The following ADAT1 variants were observed in gnomAD, a reference collection of about 807,000 sequenced individuals.
ADAT1 encodes the protein adenosine deaminase tRNA specific 1.
In ADAT1, 58 loss-of-function variants were observed where a neutral mutation model predicts 58.6. That is an observed-to-expected ratio of 0.99 (90% CI 0.80 to 1.23). The LOEUF (loss-of-function observed/expected upper bound fraction) is 1.23, where lower values mean the gene tolerates loss of function less well. ADAT1 is among the 50% of genes most tolerant of loss of function. ADAT1 has a pLI of 0.00. For missense variants in ADAT1, 741 were observed against 608.6 expected (o/e 1.22, Z -2.29); for synonymous variants, 254 against 220.8 (o/e 1.15, Z -1.33).
chr16:75,614,886 C>G (rs976056085), intron 5 of ADAT1, among the ~76,000 whole-genome samples: 13 of 152,062 alleles, frequency 8.5e-5, no homozygotes, highest in African/African-American at 3.1e-4. Flanking sequence ...TTAAGATGAA[C>G]AGAGGGTTGC....
At position 75,612,541 on chromosome 16, in the gene ADAT1, CA is replaced by C; in HGVS notation, c.744del (p.Gly249ValfsTer5). The part of the protein sequence containing the change: ...EGLATVTRIA[P>X]GSAKVIDVYR... The stretch of plus-strand genomic sequence containing the variant: ...TAAACGTCTATCACTTTGGCACTAC[CA>C]GGGGCTATTCTGGTGACAGTAGCCA... On this transcript the variant is annotated frameshift_variant, in exon 6 of 10. Transcript: ENST00000564657. LOFTEE classifies it high-confidence loss of function. 2 of 1,614,168 alleles carry C rather than the reference CA, an allele frequency of 1.2e-6. No homozygotes were observed. Among genetic ancestry groups the C allele is most frequent in the Non-Finnish European group, 8.5e-7 (1 of 1,180,040 alleles).
rs746798988 is a variant in ADAT1 at position 75,620,649 on chromosome 16, G to C, written c.151C>G (p.Pro51Ala). The change falls in exon 2 of 10, where the codon CCT (proline) becomes GCT (alanine). Residue 51 changes from proline to alanine, a missense_variant. Physicochemically the swap from Pro to Ala is conservative, Grantham distance 27. Coordinates refer to ENST00000564657, the MANE Select transcript of ADAT1 (RefSeq NM_001324445.2). Reference protein sequence around the residue: ...QSPADKACDTPDKPVQVTKEV... With the variant: ...QSPADKACDTADKPVQVTKEV... ...GTCTCACCTTGCACCGGCTTATCAG[G>C]GGTGTCGCAGGCCTTGTCAGCTGGA... 1 of 1,613,236 alleles carries C rather than the reference G, an allele frequency of 6.2e-7. No homozygotes were observed. The highest frequency in any genetic ancestry group is 8.5e-7 in the Non-Finnish European group (1 of 1,180,040).
chr16:75,606,524 T>G (rs1360534547), intron 8 of ADAT1, among the ~76,000 whole-genome samples: 1 of 152,196 alleles, frequency 6.6e-6, no homozygotes, highest in African/African-American at 2.4e-5. Flanking sequence ...AATACTCTGG[T>G]AGCCTTGTGG....
intron 4 of ADAT1, among the ~76,000 whole-genome samples, chr16:75,618,098 CAAAA>C (rs1163510620): frequency 4.9e-4 from 16 of 32,522 alleles, no homozygotes; most frequent in Middle Eastern, 0.023. Context: ...ACCCTGTGTC[CAAAA>C]AAAAAAAAAA....
chr16:75,599,619 C>G lies in ADAT1; in HGVS notation c.*597G>C. 1.0e-6 allele frequency: 1 copy of G among 985,870 alleles called. No homozygotes were observed. The highest frequency in any genetic ancestry group is 1.2e-6 in the Non-Finnish European group (1 of 830,038). 61.1% of individuals were successfully genotyped at this position (985,870 alleles called of 1,614,324 possible). On this transcript the variant is annotated 3_prime_UTR_variant, in exon 10 of 10. Transcript: ENST00000564657. ...CCATGATTATGTGACCCTTACAGCT[C>G]CAGATCAAAACAGAAAGCCTTTCCT...
At position 75,596,987 on chromosome 16, in the gene ADAT1, T is replaced by C. The variant is rs987255521; in HGVS notation, c.*3229A>G. 2.6e-5 allele frequency: 4 copies of C among 152,600 alleles called. No homozygotes were observed. The East Asian group carries it at 5.8e-4, about 22-fold the overall frequency. The allele number at this position is 152,600 out of a possible 1,614,324, so 9.5% of individuals were successfully genotyped here. Reference sequence around the variant, plus strand: ...TCACAAAAGACCACATATTCTATGATTCCATTTATATGAAATGTTCAGAAT... The same window carrying C: ...TCACAAAAGACCACATATTCTATGACTCCATTTATATGAAATGTTCAGAAT... On this transcript the variant is annotated 3_prime_UTR_variant, in exon 10 of 10. Coordinates refer to ENST00000564657, the MANE Select transcript of ADAT1 (RefSeq NM_001324445.2).
Position 75,600,143 on chromosome 16 carries a change from G to C in ADAT1, c.*73C>G. The C allele has an allele frequency of 6.3e-7, 1 of 1,581,182 alleles. No individual in the cohort carries two copies. Among genetic ancestry groups the C allele is most frequent in the Non-Finnish European group, 8.6e-7 (1 of 1,161,036 alleles). On this transcript the variant is annotated 3_prime_UTR_variant, in exon 10 of 10. Transcript: ENST00000564657. Reference sequence around the variant, plus strand: ...GTTCCCTGATTTAACTACCAAAAAAGCTAAGACTTGTCCTGCGTGGAGGAA... The same window carrying C: ...GTTCCCTGATTTAACTACCAAAAAACCTAAGACTTGTCCTGCGTGGAGGAA...
chr16:75,612,363 A>G lies in ADAT1; in HGVS notation c.923T>C (p.Val308Ala), dbSNP rs769735868. The G allele has an allele frequency of 3.1e-6, 5 of 1,614,160 alleles. No homozygotes were observed. Among genetic ancestry groups the G allele is most frequent in the Middle Eastern group, 1.6e-4 (1 of 6,062 alleles). ...CAACAGTGCCCCTTGGCATCCGAGG[A>G]CGTTCCATCGGGCCATCTTGTCACT... The part of the protein sequence containing the change: ...SCSDKMARWN[V>A]LGCQGALLMH... Residue 308 changes from valine to alanine, a missense_variant, in exon 6 of 10, where the codon GTC becomes GCC. Transcript: ENST00000564657.
At position 75,601,583 on chromosome 16, in the gene ADAT1, C is replaced by G. The variant is rs546815092; in HGVS notation, c.1377-1235G>C. Among the ~76,000 whole-genome samples, 5 of 151,906 alleles carry G rather than the reference C, an allele frequency of 3.3e-5. No homozygotes were observed. The East Asian group carries it at 9.8e-4, about 30-fold the overall frequency. On this transcript the variant is annotated intron_variant, in intron 9 of 9. Coordinates refer to ENST00000564657, the MANE Select transcript of ADAT1 (RefSeq NM_001324445.2). Reference sequence around the variant, plus strand: ...ACCAGCCTGGTCAATATGGTGAAACCCCGTCCCTACTAACTATACCAAAAA... The same window carrying G: ...ACCAGCCTGGTCAATATGGTGAAACGCCGTCCCTACTAACTATACCAAAAA...
rs758392213 is a variant in ADAT1, at chr16:75,620,692, C to T, written c.108G>A (p.Ala36=). Residue 36 remains alanine, a synonymous_variant, in exon 2 of 10, where the codon GCG becomes GCA. Coordinates refer to ENST00000564657, the MANE Select transcript of ADAT1 (RefSeq NM_001324445.2). The part of the protein sequence containing the change: ...EPNHEWTLLA[A]VVKIQSPADK... ...CAGCTGGAGATTGTATCTTCACCAC[C>T]GCTGCCAATAATGTCCACTCATGGT... 84 of 1,614,090 alleles carry T rather than the reference C, an allele frequency of 5.2e-5. No individual in the cohort carries two copies. Among genetic ancestry groups the T allele is most frequent in the Non-Finnish European group, 5.3e-5 (62 of 1,180,024 alleles).
At chr16:75,619,177 A>G (rs1224335254) in intron 3 of ADAT1, among the ~76,000 whole-genome samples, 2 of 152,164 alleles carry the variant, frequency 1.3e-5, no homozygotes, top group Non-Finnish European at 2.9e-5. Flanking sequence ...AGGCAAGGAG[A>G]ATGGTAGAAG....
intron 8 of ADAT1, among the ~76,000 whole-genome samples, chr16:75,606,059 G>A (rs1010261420): frequency 1.3e-5 from 2 of 149,950 alleles, no homozygotes; most frequent in Non-Finnish European, 2.9e-5. Context: ...ATTGGGGGGG[G>A]GGTCTCATTT....
In ADAT1 at chr16:75,620,301, G is replaced by A. The variant is rs768465271; in HGVS notation, c.203C>T (p.Thr68Ile). 31 of 1,613,982 alleles carry A rather than the reference G, an allele frequency of 1.9e-5. No homozygotes were observed. The highest frequency in any genetic ancestry group is 2.6e-5 in the Non-Finnish European group (31 of 1,180,004). ...CATTTTGGACTGTCCTATGCATTTT[G>A]TTCCTGTTCCCATTGACACAACTTC... ...TKEVVSMGTG[T>I]KCIGQSKMRK... Residue 68 changes from threonine to isoleucine, a missense_variant, in exon 3 of 10, where the codon ACA becomes ATA. Transcript: ENST00000564657.
In ADAT1 at chr16:75,608,999, G is replaced by A; in HGVS notation, c.1044-11C>T. On this transcript the variant is annotated splice_polypyrimidine_tract_variant and intron_variant, in intron 6 of 9. Transcript: ENST00000564657. ...GACACATTCTGACACCTAAATACAA[G>A]GGAAAATGCATTCAGTTTAGGTGCA... The A allele has an allele frequency of 1.2e-6, 2 of 1,613,894 alleles. No individual in the cohort carries two copies. Among genetic ancestry groups the A allele is most frequent in the Non-Finnish European group, 1.7e-6 (2 of 1,179,952 alleles).
In ADAT1 at chr16:75,608,287, T is replaced by G. The variant is rs141669310; in HGVS notation, c.1226A>C (p.Asp409Ala). The G allele has an allele frequency of 1.4e-5, 22 of 1,613,958 alleles. No individual in the cohort carries two copies. The African/African-American group carries it at 2.7e-4, about 20-fold the overall frequency. ...CTGTGGAAAGCCATTGGCAGTAACA[T>G]CCAAAGGCTGCTCAGGAACTGCACT... ...SWSAVPEQPLDVTANGFPQGT... is the reference protein window; with the variant it reads ...SWSAVPEQPLAVTANGFPQGT... The change falls in exon 8 of 10, where the codon GAT becomes GCT. Residue 409 changes from aspartate (D) to alanine (A), a missense_variant. Coordinates refer to ENST00000564657, the MANE Select transcript of ADAT1 (RefSeq NM_001324445.2).
intron 2 of ADAT1, 54 bp from the exon 3 acceptor site, chr16:75,620,388 G>A (rs1293887539): frequency 6.3e-7 from 1 of 1,588,592 alleles, no homozygotes; most frequent in Non-Finnish European, 8.6e-7. Flanking sequence ...GTTCCCCGGT[G>A]TTCAGGTGTG....
At position 75,612,362 on chromosome 16, in the gene ADAT1, G is replaced by A; in HGVS notation, c.924C>T (p.Val308=). 6.2e-7 allele frequency: 1 copy of A among 1,614,198 alleles called. No individual in the cohort carries two copies. Among genetic ancestry groups the A allele is most frequent in the Non-Finnish European group, 8.5e-7 (1 of 1,180,052 alleles). ...SCSDKMARWN[V]LGCQGALLMH... is the part of the protein sequence containing the mutation. ...TCAACAGTGCCCCTTGGCATCCGAG[G>A]ACGTTCCATCGGGCCATCTTGTCAC... The change falls in exon 6 of 10, where the codon GTC becomes GTT. Residue 308 remains valine (V), a synonymous_variant. Transcript: ENST00000564657.
At chr16:75,617,294 T>A in intron 4 of ADAT1, 22 bp from the exon 5 acceptor site, 1 of 1,605,860 alleles carries the variant, frequency 6.2e-7, no homozygotes, top group East Asian at 2.2e-5. Context: ...AAGATGTTAT[T>A]AGGATGAACA....
chr16:75,597,299 C>G lies in ADAT1; in HGVS notation c.*2917G>C. On this transcript the variant is annotated 3_prime_UTR_variant, in exon 10 of 10. Coordinates refer to ENST00000564657, the MANE Select transcript of ADAT1 (RefSeq NM_001324445.2). ...CACAGACACAGGGAAGAAGGCCATG[C>G]GAGACACAGACACAGAAGGCCATGT... 2.4e-6 allele frequency: 1 copy of G among 412,272 alleles called. No individual in the cohort carries two copies. The highest frequency in any genetic ancestry group is 1.8e-5 in the South Asian group (1 of 54,846). The allele number at this position is 412,272 out of a possible 1,614,324, so 25.5% of individuals were successfully genotyped here.
Sources: allele counts gnomAD v4.1 joint callset (sites outside exome capture counted in the v4.1 genomes callset), GRCh38; gene constraint gnomAD v4.1.1; transcripts MANE v1.5; gene names NCBI Gene and HGNC (gene_info 2026-07-23, HGNC 2026-07-21).